The following STEAP4 variants were observed in gnomAD, a reference collection of about 807,000 sequenced individuals.
The protein encoded by STEAP4 is STEAP4 metalloreductase, also known as metalloreductase STEAP4.
In STEAP4, 36 loss-of-function variants were observed where a neutral mutation model predicts 43.6. The ratio of observed to expected loss-of-function variants is 0.83; its 90% CI spans 0.63 to 1.09. STEAP4 has a LOEUF of 1.09. Among genes scored for constraint, STEAP4 ranks in the 50% least tolerant of loss-of-function variants. The pLI is 0.00. For synonymous variants in STEAP4, 191 were observed against 196.7 expected (o/e 0.97, Z 0.24); for missense variants, 495 against 546.5 (o/e 0.91, Z 0.94).
chr7:88,293,179 G>C (rs1004101856), intron 1 of STEAP4, among the ~76,000 whole-genome samples: 14 of 151,892 alleles, frequency 9.2e-5, no homozygotes, highest in Admixed American at 9.2e-4. Flanking sequence ...TTTCATTGTG[G>C]TTTAAATTTG....
intron 1 of STEAP4, among the ~76,000 whole-genome samples, chr7:88,303,501 A>AG (rs1853075677): frequency 6.6e-6 from 1 of 151,846 alleles, no homozygotes; most frequent in African/African-American, 2.4e-5. Context: ...GTCTCAAAAA[A>AG]AAAAAAAAAA....
intron 1 of STEAP4, among the ~76,000 whole-genome samples, chr7:88,291,492 G>GAA (rs369820733): frequency 6.8e-5 from 6 of 88,358 alleles, no homozygotes; most frequent in African/African-American, 1.7e-4. Flanking sequence ...ATCTCAAAAA[G>GAA]AAAAAAAAAA....
intron 1 of STEAP4, among the ~76,000 whole-genome samples, chr7:88,298,772 G>T (rs1852975821): frequency 6.6e-6 from 1 of 152,048 alleles, no homozygotes; most frequent in Non-Finnish European, 1.5e-5. Context: ...ATCATTTAAA[G>T]CTCTTTTTCT....
chr7:88,271,728 A>C lies in STEAP4; in HGVS notation c.*7670T>G, dbSNP rs1303289059. On this transcript the variant is annotated 3_prime_UTR_variant, in exon 5 of 5. Coordinates refer to ENST00000380079, the MANE Select transcript of STEAP4 (RefSeq NM_024636.4). The stretch of plus-strand genomic sequence containing the variant: ...ATCAAAACTTAACTCTGCATTTTTT[A>C]ATTTTGAAAGATATTCCCTAACTGC... 1.3e-5 allele frequency: 2 copies of C among 152,192 alleles called. No individual in the cohort carries two copies. Among genetic ancestry groups the C allele is most frequent in the Non-Finnish European group, 2.9e-5 (2 of 68,026 alleles). 9.4% of individuals were successfully genotyped at this position (152,192 alleles called of 1,614,324 possible). A position where few individuals can be genotyped will look rare whatever the true frequency, so the allele number is the denominator to read the frequency against.
intron 1 of STEAP4, among the ~76,000 whole-genome samples, chr7:88,296,568 C>T (rs780960479): frequency 2.5e-4 from 38 of 151,938 alleles, no homozygotes; most frequent in Non-Finnish European, 4.7e-4. Flanking sequence ...TGTAATGAGC[C>T]GAAATCCATC....
chr7:88,286,996 T>C (rs1852748041), intron 1 of STEAP4, among the ~76,000 whole-genome samples: 1 of 151,958 alleles, frequency 6.6e-6, no homozygotes, highest in South Asian at 2.1e-4. Flanking sequence ...TACAGGCAGA[T>C]ACCTTGTGAT....
At position 88,279,159 on chromosome 7, in the gene STEAP4, G is replaced by C. The variant is rs1340004449; in HGVS notation, c.*239C>G. ...TCTCAATCTCAGCTCCATGGCCTCT[G>C]GGAAAATAAGAGTCAGGGACCTGCA... On this transcript the variant is annotated 3_prime_UTR_variant, in exon 5 of 5. Coordinates refer to ENST00000380079, the MANE Select transcript of STEAP4 (RefSeq NM_024636.4). The C allele has an allele frequency of 7.9e-6, 4 of 503,370 alleles. No homozygotes were observed. Among genetic ancestry groups the C allele is most frequent in the Non-Finnish European group, 1.1e-5 (3 of 279,442 alleles). 31.2% of individuals were successfully genotyped at this position (503,370 alleles called of 1,614,324 possible).
chr7:88,299,301 C>T (rs1430670080), intron 1 of STEAP4, among the ~76,000 whole-genome samples: 1 of 152,206 alleles, frequency 6.6e-6, no homozygotes, highest in Non-Finnish European at 1.5e-5. Flanking sequence ...CCAAGAATTT[C>T]ATCAGGTAGG....
Position 88,280,899 on chromosome 7 carries a change from A to C in STEAP4, c.1149+16T>G. 1 of 1,550,654 alleles carries C rather than the reference A, an allele frequency of 6.4e-7. No individual in the cohort carries two copies. The highest frequency in any genetic ancestry group is 8.7e-7 in the Non-Finnish European group (1 of 1,152,306). ...GGAGCAAAATGAAAAGTTAGGAATG[A>C]ACTTGAAGTTCTTACCTGGACAAAT... On this transcript the variant is annotated intron_variant, in intron 4 of 4. Coordinates refer to ENST00000380079, the MANE Select transcript of STEAP4 (RefSeq NM_024636.4).
At chr7:88,298,674 G>A (rs997144005) in intron 1 of STEAP4, among the ~76,000 whole-genome samples, 1 of 152,062 alleles carries the variant, frequency 6.6e-6, no homozygotes, top group East Asian at 1.9e-4. Context: ...GAGCAATCCT[G>A]TAGCATGATA....
At chr7:88,302,156 T>C (rs1349981374) in intron 1 of STEAP4, among the ~76,000 whole-genome samples, 1 of 152,216 alleles carries the variant, frequency 6.6e-6, no homozygotes, top group African/African-American at 2.4e-5. Context: ...GCAGGCAGCA[T>C]CCATACTCAT....
chr7:88,303,182 A>AT (rs1388696024), intron 1 of STEAP4, among the ~76,000 whole-genome samples: 1 of 140,330 alleles, frequency 7.1e-6, no homozygotes, highest in African/African-American at 2.6e-5. Context: ...TATAATCTGC[A>AT]TTAAAAAAAA....
chr7:88,282,522 A>C, intron 3 of STEAP4, 119 bp downstream of exon 3: 1 of 938,624 alleles, frequency 1.1e-6, no homozygotes, highest in Non-Finnish European at 1.6e-6. Flanking sequence ...TTCTAATTCT[A>C]GTTACTTTAA....
At position 88,271,913 on chromosome 7, in the gene STEAP4, A is replaced by T. The variant is rs1462507055; in HGVS notation, c.*7485T>A. On this transcript the variant is annotated 3_prime_UTR_variant, in exon 5 of 5. Coordinates refer to ENST00000380079, the MANE Select transcript of STEAP4 (RefSeq NM_024636.4). ...TACAGTTACAATTTTCATGCGTCTCATTATGAATGAAGTAGAATATATTTT... is the reference window on the plus strand; with the variant it reads ...TACAGTTACAATTTTCATGCGTCTCTTTATGAATGAAGTAGAATATATTTT... The T allele has an allele frequency of 1.3e-5, 2 of 152,226 alleles. No homozygotes were observed. Among genetic ancestry groups the T allele is most frequent in the East Asian group, 3.9e-4 (2 of 5,192 alleles). The allele number at this position is 152,226 out of a possible 1,614,324, so 9.4% of individuals were successfully genotyped here. A position where few individuals can be genotyped will look rare whatever the true frequency, so the allele number is the denominator to read the frequency against.
rs1027238661 is a variant in STEAP4 at position 88,270,919 on chromosome 7, A to G, written c.*8479T>C. The G allele has an allele frequency of 6.6e-6, 1 of 152,138 alleles. No individual in the cohort carries two copies. The highest frequency in any genetic ancestry group is 2.4e-5 in the African/African-American group (1 of 41,446). 9.4% of individuals were successfully genotyped at this position (152,138 alleles called of 1,614,324 possible). The stretch of plus-strand genomic sequence containing the variant: ...TTTTGTTTATAATTTTTTAATTAAA[A>G]ATTTTTAATTGACACACGATAATTA... On this transcript the variant is annotated 3_prime_UTR_variant, in exon 5 of 5. Transcript: ENST00000380079.
intron 1 of STEAP4, among the ~76,000 whole-genome samples, chr7:88,293,787 T>C (rs1319919871): frequency 1.3e-5 from 2 of 152,182 alleles, no homozygotes; most frequent in African/African-American, 4.8e-5. Context: ...TTCTGTTCCA[T>C]TGATCTATGT....
At position 88,284,053 on chromosome 7, in the gene STEAP4, T is replaced by C; in HGVS notation, c.217A>G (p.Lys73Glu). Residue 73 changes from lysine to glutamate, a missense_variant, in exon 2 of 5, where the codon AAG becomes GAG. Coordinates refer to ENST00000380079, the MANE Select transcript of STEAP4 (RefSeq NM_024636.4). ...ATTGCTATGATTATGATGCCAGACT[T>C]CTTGGCTGCTTCTGAATAGCTCAAG... ...EVLSYSEAAK[K>E]SGIIIIAIHR... 1 of 1,614,142 alleles carries C rather than the reference T, an allele frequency of 6.2e-7. No individual in the cohort carries two copies. The highest frequency in any genetic ancestry group is 8.5e-7 in the Non-Finnish European group (1 of 1,180,024).
intron 1 of STEAP4, among the ~76,000 whole-genome samples, chr7:88,301,440 C>T (rs1483462840): frequency 1.3e-5 from 2 of 152,090 alleles, no homozygotes; most frequent in East Asian, 1.9e-4. Flanking sequence ...ACCTAGCTAA[C>T]GTTTTAATTT....
chr7:88,283,769 A>T, intron 2 of STEAP4, 45 bp downstream of exon 2: 1 of 1,549,602 alleles, frequency 6.5e-7, no homozygotes, highest in Non-Finnish European at 8.8e-7. Context: ...TGCACATTTA[A>T]TGATTCATGT....
Sources: gnomAD v4.1 joint callset for allele counts (sites outside exome capture counted in the v4.1 genomes callset) on GRCh38, gnomAD v4.1.1 for gene constraint, MANE v1.5 for transcripts, NCBI Gene and HGNC (gene_info 2026-07-23, HGNC 2026-07-21) for gene names.